EPB41L4A: variants seen among roughly 807,000 people sequenced by gnomAD.
EPB41L4A encodes band 4.1-like protein 4A.
Under a neutral mutation model 108.6 loss-of-function variants are expected in EPB41L4A, and 100 were observed. That is an observed-to-expected ratio of 0.92 (90% CI 0.78 to 1.09). The LOEUF is 1.09. Ranked by LOEUF, EPB41L4A falls within the 50% of genes least tolerant of loss-of-function variation. EPB41L4A has a pLI of 0.00. For synonymous variants in EPB41L4A, 319 were observed against 289.0 expected, an observed-to-expected ratio of 1.10 and a Z score of -1.05; for missense variants, 1,030 against 842.7, an observed-to-expected ratio of 1.22 and a Z score of -2.75.
At chr5:112,348,250 T>G (rs2150723043) in intron 1 of EPB41L4A, among the ~76,000 whole-genome samples, 1 of 152,284 alleles carries the variant, frequency 6.6e-6, no homozygotes, top group South Asian at 2.1e-4. Flanking sequence ...CTGCGACACC[T>G]CCACCTTTGT....
At chr5:112,379,716 C>T (rs1246540268) in intron 1 of EPB41L4A, among the ~76,000 whole-genome samples, 1 of 152,188 alleles carries the variant, frequency 6.6e-6, no homozygotes, top group Non-Finnish European at 1.5e-5. Flanking sequence ...TCCTGGCCAG[C>T]ATTTACCAAA....
intron 1 of EPB41L4A, among the ~76,000 whole-genome samples, chr5:112,312,752 G>T (rs1408500431): frequency 6.6e-6 from 1 of 152,154 alleles, no homozygotes; most frequent in Admixed American, 6.5e-5. Context: ...TGCCCAATCA[G>T]TATTCCATTG....
intron 12 of EPB41L4A, among the ~76,000 whole-genome samples, chr5:112,148,975 T>C (rs1230155516): frequency 6.6e-6 from 1 of 152,194 alleles, no homozygotes; most frequent in Non-Finnish European, 1.5e-5. Flanking sequence ...AATTTAATTA[T>C]CTTGTAAAAT....
At chr5:112,245,373 G>T (rs1431916467) in intron 9 of EPB41L4A, among the ~76,000 whole-genome samples, 1 of 152,134 alleles carries the variant, frequency 6.6e-6, no homozygotes. Context: ...GAAATGATTT[G>T]TCTCCTACTT....
At chr5:112,417,450 T>A (rs1762780943) in intron 1 of EPB41L4A, among the ~76,000 whole-genome samples, 1 of 152,250 alleles carries the variant, frequency 6.6e-6, no homozygotes, top group African/African-American at 2.4e-5. Flanking sequence ...TGTTTCTATC[T>A]CGACACAAGA....
intron 1 of EPB41L4A, among the ~76,000 whole-genome samples, chr5:112,352,230 A>G (rs1758089240): frequency 6.6e-6 from 1 of 152,108 alleles, no homozygotes; most frequent in Admixed American, 6.5e-5. Context: ...TATATGAAAT[A>G]TTTCTACTTT....
intron 6 of EPB41L4A, among the ~76,000 whole-genome samples, chr5:112,263,087 T>TA: frequency 6.6e-6 from 1 of 152,192 alleles, no homozygotes. Flanking sequence ...ACAGAGATTG[T>TA]AAAAAATGCT....
intron 12 of EPB41L4A, among the ~76,000 whole-genome samples, chr5:112,226,695 A>T (rs1186894348): frequency 1.4e-5 from 2 of 143,674 alleles, no homozygotes; most frequent in Non-Finnish European, 3.0e-5. Flanking sequence ...ATGTTGGTGT[A>T]AAAAAAAAAA....
chr5:112,370,287 T>G (rs1371225847), intron 1 of EPB41L4A, among the ~76,000 whole-genome samples: 1 of 151,704 alleles, frequency 6.6e-6, no homozygotes, highest in African/African-American at 2.4e-5. Flanking sequence ...TCCTCCTACC[T>G]TAGCCTCCCG....
rs571788655 is a variant in EPB41L4A at position 112,187,237 on chromosome 5, C to T, written c.1503-3102G>A. On this transcript the variant is annotated intron_variant, in intron 17 of 22. Coordinates refer to ENST00000261486, the MANE Select transcript of EPB41L4A (RefSeq NM_022140.5). ...GCATCTAAAGGTGAACCTCAATAAACTAACAAACATTTATTTCCAGTACTA... is the reference window on the plus strand; with the variant it reads ...GCATCTAAAGGTGAACCTCAATAAATTAACAAACATTTATTTCCAGTACTA... 2.3e-4 allele frequency among the ~76,000 whole-genome samples: 35 copies of T among 152,292 alleles called. No homozygotes were observed. The South Asian group carries it at 6.8e-3, about 30-fold the overall frequency.
rs116873032 is a variant in EPB41L4A, at chr5:112,353,229, G to A, written c.100-45739C>T. On this transcript the variant is annotated intron_variant, in intron 1 of 22. Coordinates refer to ENST00000261486, the MANE Select transcript of EPB41L4A (RefSeq NM_022140.5). ...TGGCAGCAGTGAACCAAGCATGCCT[G>A]TTGGCATGCTTGAACCAAGCAGTGA... Among the ~76,000 whole-genome samples the A allele has an allele frequency of 3.4e-5, 5 of 149,172 alleles. No homozygotes were observed. In the East Asian group the frequency reaches 5.8e-4, roughly 17 times the overall value.
chr5:112,297,362 G>A (rs1021392849), intron 2 of EPB41L4A, among the ~76,000 whole-genome samples: 6 of 152,016 alleles, frequency 3.9e-5, no homozygotes, highest in African/African-American at 1.4e-4. Context: ...ATTGCATTGT[G>A]GTTTTGATGT....
chr5:112,198,689 G>A (rs192152024), intron 15 of EPB41L4A, among the ~76,000 whole-genome samples: 6 of 151,798 alleles, frequency 4.0e-5, no homozygotes, highest in Admixed American at 1.3e-4. Flanking sequence ...TTTATTGTGG[G>A]TTTTTTGGTT....
At chr5:112,361,902 A>G (rs866637335) in intron 1 of EPB41L4A, among the ~76,000 whole-genome samples, 1 of 152,138 alleles carries the variant, frequency 6.6e-6, no homozygotes. Context: ...ATAAAAATTA[A>G]AAGTAATTAT....
At chr5:112,275,546 A>C (rs986856294) in intron 3 of EPB41L4A, 142 bp from the exon 4 acceptor site, 1 of 1,078,128 alleles carries the variant, frequency 9.3e-7, no homozygotes, top group Non-Finnish European at 1.3e-6. Context: ...AGCAAGGTTC[A>C]GAACTGTGAC....
intron 15 of EPB41L4A, among the ~76,000 whole-genome samples, chr5:112,202,915 C>T (rs917472427): frequency 5.9e-5 from 9 of 152,054 alleles, no homozygotes; most frequent in African/African-American, 2.2e-4. Context: ...GTATAAAAGT[C>T]ATTTAGGCTG....
intron 12 of EPB41L4A, chr5:112,146,051 C>G (rs2112787566): frequency 2.2e-6 from 1 of 452,302 alleles, no homozygotes; most frequent in East Asian, 7.0e-5. Context: ...TCTGGCTTCT[C>G]ATGAAGTAGG....
rs1019479264 is a variant in EPB41L4A, at chr5:112,335,289, C to T, written c.100-27799G>A. Among the ~76,000 whole-genome samples the T allele has an allele frequency of 9.2e-5, 14 of 152,114 alleles. 1 individual carries two copies. The highest frequency in any genetic ancestry group is 2.2e-4 in the African/African-American group (9 of 41,428). ...CACAGAGGGGATCAGTGTTAAGGAC[C>T]CTCCTTCTTGAACAGTCAGACACCT... On this transcript the variant is annotated intron_variant, in intron 1 of 22. Transcript: ENST00000261486.
At chr5:112,260,079 G>C in intron 7 of EPB41L4A, 100 bp from the exon 8 acceptor site, 1 of 875,568 alleles carries the variant, frequency 1.1e-6, no homozygotes, top group East Asian at 2.7e-5. Flanking sequence ...ATTAATATTG[G>C]ATTTAATTTT....
Sources: allele counts gnomAD v4.1 joint callset (sites outside exome capture counted in the v4.1 genomes callset), GRCh38; gene constraint gnomAD v4.1.1; transcripts MANE v1.5; gene names NCBI Gene and HGNC (gene_info 2026-07-23, HGNC 2026-07-21).